Variants in SORCS2 observed in about 807,000 individuals in gnomAD.
SORCS2 encodes the protein VPS10 domain-containing receptor SorCS2.
SORCS2 carries 100 observed loss-of-function variants against 141.6 expected under a neutral mutation model. That is an observed-to-expected ratio of 0.71 (90% confidence interval 0.60 to 0.83). SORCS2 has a LOEUF of 0.83. SORCS2 is among the 40% of genes least tolerant of loss of function. The pLI is 0.00. For missense variants in SORCS2, 1,646 were observed against 1,560.2 expected (o/e 1.05, Z -0.93); for synonymous variants, 789 against 676.9 (o/e 1.17, Z -2.57).
chr4:7,367,995 C>T (rs555502449), intron 1 of SORCS2, among the ~76,000 whole-genome samples: 3 of 152,324 alleles, frequency 2.0e-5, no homozygotes, highest in South Asian at 2.1e-4. Context: ...CCTAAGTCCT[C>T]AGCGCTGGGC....
chr4:7,421,104 C>G (rs574141203), intron 2 of SORCS2, among the ~76,000 whole-genome samples: 1 of 152,326 alleles, frequency 6.6e-6, no homozygotes, highest in African/African-American at 2.4e-5. Flanking sequence ...CGCTCCATCC[C>G]TTGCCCACAC....
chr4:7,394,676 A>G (rs1316972751), intron 1 of SORCS2, among the ~76,000 whole-genome samples: 1 of 152,098 alleles, frequency 6.6e-6, no homozygotes, highest in Admixed American at 6.5e-5. Flanking sequence ...GACTGTCCAC[A>G]GTGGCAGAGC....
intron 3 of SORCS2, among the ~76,000 whole-genome samples, chr4:7,551,573 A>C (rs140996649): frequency 6.6e-6 from 1 of 152,296 alleles, no homozygotes; most frequent in African/African-American, 2.4e-5. Context: ...CCAGGAGAGA[A>C]GCAAAGAGCC....
chr4:7,387,590 T>C (rs1237373337), intron 1 of SORCS2, among the ~76,000 whole-genome samples: 1 of 140,884 alleles, frequency 7.1e-6, no homozygotes, highest in African/African-American at 2.7e-5. Flanking sequence ...CACATACAGG[T>C]ACACAGAGAA....
At chr4:7,279,838 A>G (rs1157579089) in intron 1 of SORCS2, among the ~76,000 whole-genome samples, 1 of 152,070 alleles carries the variant, frequency 6.6e-6, no homozygotes, top group African/African-American at 2.4e-5. Flanking sequence ...CAAAATATCT[A>G]TTTCTGGACG....
chr4:7,638,196 C>T (rs768704799), intron 3 of SORCS2, 132 bp from the exon 4 acceptor site: 66 of 1,157,512 alleles, frequency 5.7e-5, no homozygotes, highest in Non-Finnish European at 6.4e-5. Flanking sequence ...GAGGCACACC[C>T]GGCCCAGGCC....
chr4:7,402,370 T>C (rs552119384), intron 2 of SORCS2, among the ~76,000 whole-genome samples: 1 of 152,350 alleles, frequency 6.6e-6, no homozygotes, highest in Admixed American at 6.5e-5. Flanking sequence ...TGTATCTTGA[T>C]TGTCTGTCTG....
At chr4:7,717,663 G>A (rs1268175594) in intron 17 of SORCS2, among the ~76,000 whole-genome samples, 4 of 152,216 alleles carry the variant, frequency 2.6e-5, no homozygotes, top group African/African-American at 9.6e-5. Context: ...TTCTCAGCAA[G>A]ACCGTGAAAT....
At chr4:7,253,686 C>G (rs961852082) in intron 1 of SORCS2, among the ~76,000 whole-genome samples, 3 of 152,314 alleles carry the variant, frequency 2.0e-5, no homozygotes, top group South Asian at 2.1e-4. Flanking sequence ...AGGCAGTGCT[C>G]TATGGTGAGA....
chr4:7,265,957 G>A (rs562193067), intron 1 of SORCS2, among the ~76,000 whole-genome samples: 151 of 152,166 alleles, frequency 9.9e-4, no homozygotes, highest in East Asian at 9.7e-4. Flanking sequence ...AACAGCCTCC[G>A]GCTCATCCTC....
intron 1 of SORCS2, among the ~76,000 whole-genome samples, chr4:7,306,593 T>A (rs12504886): frequency 0.76 from 115,939 of 152,096 alleles, 46,706 homozygotes; most frequent in Non-Finnish European, 0.89. Context: ...CTCAGGCCAC[T>A]GAAGGGCGGT....
chr4:7,638,395 C>T lies in SORCS2; in HGVS notation c.716C>T (p.Ala239Val), dbSNP rs1164232452. Residue 239 changes from alanine to valine, a missense_variant, in exon 4 of 27, where the codon GCC becomes GTC. Physicochemically the swap from Ala to Val is moderately conservative, Grantham distance 64. Transcript: ENST00000507866. ...CTATTCCTCAGCGCAGACGAAGGCG[C>T]CACCTTTCAGAAGCAGCCCATTCCC... ...QSLFLSADEGATFQKQPIPFF... is the reference protein window; with the variant it reads ...QSLFLSADEGVTFQKQPIPFF... The T allele has an allele frequency of 1.3e-6, 2 of 1,583,474 alleles. No individual in the cohort carries two copies. The highest frequency in any genetic ancestry group is 1.2e-5 in the South Asian group (1 of 85,728).
chr4:7,259,015 T>G lies in SORCS2; in HGVS notation c.480+65889T>G, dbSNP rs189061669. Reference sequence around the variant, plus strand: ...AAATGTGTTTAAGTTCTTTGTAGATTCTGGATATTAGCCCTTTGTCAGATG... The same window carrying G: ...AAATGTGTTTAAGTTCTTTGTAGATGCTGGATATTAGCCCTTTGTCAGATG... On this transcript the variant is annotated intron_variant, in intron 1 of 26. Transcript: ENST00000507866. 1.6e-3 allele frequency among the ~76,000 whole-genome samples: 238 copies of G among 152,360 alleles called. 3 individuals carry two copies. The highest frequency in any genetic ancestry group is 5.0e-3 in the African/African-American group (209 of 41,574).
chr4:7,553,412 A>G (rs1294834715), intron 3 of SORCS2, among the ~76,000 whole-genome samples: 3 of 152,238 alleles, frequency 2.0e-5, no homozygotes, highest in Non-Finnish European at 2.9e-5. Flanking sequence ...GAATTTCAAA[A>G]TGATAAAATG....
chr4:7,373,622 A>G (rs1722423120), intron 1 of SORCS2, among the ~76,000 whole-genome samples: 1 of 149,420 alleles, frequency 6.7e-6, no homozygotes, highest in Non-Finnish European at 1.5e-5. Context: ...CCTCCCAAGT[A>G]GCTGGGATTA....
At chr4:7,598,744 T>C (rs897413478) in intron 3 of SORCS2, among the ~76,000 whole-genome samples, 4 of 152,212 alleles carry the variant, frequency 2.6e-5, no homozygotes, top group African/African-American at 4.8e-5. Flanking sequence ...ATAGACATAA[T>C]ATTCTTCAAC....
intron 3 of SORCS2, among the ~76,000 whole-genome samples, chr4:7,547,922 C>G (rs1713391281): frequency 6.6e-6 from 1 of 152,196 alleles, no homozygotes; most frequent in South Asian, 2.1e-4. Context: ...TTAATGAAAC[C>G]CAATCTCAAC....
intron 1 of SORCS2, among the ~76,000 whole-genome samples, chr4:7,368,676 C>T (rs1560223901): frequency 6.6e-6 from 1 of 152,202 alleles, no homozygotes; most frequent in Non-Finnish European, 1.5e-5. Flanking sequence ...CCCTGAGTGG[C>T]TCAGTCCCTG....
At position 7,740,226 on chromosome 4, in the gene SORCS2, A is replaced by T. The variant is rs553546140; in HGVS notation, c.3442A>T (p.Ile1148Phe). Residue 1148 changes from isoleucine (I) to phenylalanine (F), a missense_variant, in exon 27 of 27, where the codon ATC becomes TTC. Coordinates refer to ENST00000507866, the MANE Select transcript of SORCS2 (RefSeq NM_020777.3). ...QGNHSGVVLS[I>F]NSREMHSYLV... Reference sequence around the variant, plus strand: ...CAACCACTCAGGCGTGGTCCTGAGCATCAACTCCCGAGAGATGCACAGCTA... The same window carrying T: ...CAACCACTCAGGCGTGGTCCTGAGCTTCAACTCCCGAGAGATGCACAGCTA... The T allele has an allele frequency of 6.2e-7, 1 of 1,609,754 alleles. No homozygotes were observed. The highest frequency in any genetic ancestry group is 1.3e-5 in the African/African-American group (1 of 74,990).
Sources: allele counts gnomAD v4.1 joint callset (sites outside exome capture counted in the v4.1 genomes callset), GRCh38; gene constraint gnomAD v4.1.1; transcripts MANE v1.5; gene names NCBI Gene and HGNC (gene_info 2026-07-23, HGNC 2026-07-21).